Variants in SLC36A1 observed in about 807,000 individuals in gnomAD.
SLC36A1 encodes the protein solute carrier family 36 member 1.
SLC36A1 carries 30 observed loss-of-function variants against 47.5 expected under a neutral mutation model. The ratio of observed to expected loss-of-function variants is 0.63; its 90% confidence interval spans 0.47 to 0.86. The LOEUF is 0.86. Ranked by LOEUF, SLC36A1 falls within the 40% of genes least tolerant of loss-of-function variation. The pLI is 0.00. For synonymous variants in SLC36A1, 255 were observed against 249.7 expected (o/e 1.02, Z -0.20); for missense variants, 517 against 606.0 (o/e 0.85, Z 1.54).
chr5:151,441,013 G>C (rs6879238), intron 1 of SLC36A1, among the ~76,000 whole-genome samples: 66,846 of 151,996 alleles, frequency 0.44, 15,065 homozygotes, highest in African/African-American at 0.53. Flanking sequence ...AGATTGCTGT[G>C]CCCCCACAAC....
chr5:151,469,273 TA>T, intron 7 of SLC36A1: 1 of 700,812 alleles, frequency 1.4e-6, no homozygotes, highest in Non-Finnish European at 2.6e-6. Flanking sequence ...ACAGCCCATG[TA>T]AGTATATTGA....
chr5:151,351,548 A>G, the SLC36A1 span, among the ~76,000 whole-genome samples: 1 of 152,084 alleles, frequency 6.6e-6, no homozygotes, highest in Non-Finnish European at 1.5e-5. Flanking sequence ...CTTCTGGTGA[A>G]CGGGAATGGG....
the SLC36A1 span, among the ~76,000 whole-genome samples, chr5:151,395,086 T>A: frequency 6.6e-6 from 1 of 152,222 alleles, no homozygotes; most frequent in Non-Finnish European, 1.5e-5. Flanking sequence ...TTTGTTTACC[T>A]ACTCAAGCCT....
chr5:151,458,341 T>TATATATA (rs1561738201), intron 1 of SLC36A1, among the ~76,000 whole-genome samples: 4 of 108,492 alleles, frequency 3.7e-5, no homozygotes, highest in African/African-American at 1.3e-4. Flanking sequence ...TATGGGATAT[T>TATATATA]TATATATATA....
At chr5:151,463,361 G>T (rs1005440573) in intron 2 of SLC36A1, among the ~76,000 whole-genome samples, 192 bp from the exon 3 acceptor site, 7 of 152,236 alleles carry the variant, frequency 4.6e-5, no homozygotes, top group African/African-American at 1.7e-4. Context: ...TCTGGAGTCA[G>T]ACTGCCCAAA....
At chr5:151,509,535 G>A in the SLC36A1 span, 1 of 153,232 alleles carries the variant, frequency 6.5e-6, no homozygotes, top group Non-Finnish European at 1.5e-5. Context: ...ATTCTCACTG[G>A]AGCACAAACC....
chr5:151,430,922 G>C, the SLC36A1 span, among the ~76,000 whole-genome samples: 1 of 152,126 alleles, frequency 6.6e-6, no homozygotes, highest in Non-Finnish European at 1.5e-5. Context: ...AGAACACTGA[G>C]TTCACTCCCT....
At chr5:151,447,183 A>C (rs1457821269), upstream of SLC36A1, among the ~76,000 whole-genome samples, 1 of 152,238 alleles carries the variant, frequency 6.6e-6, no homozygotes, top group Non-Finnish European at 1.5e-5. Context: ...TTAAAAGATA[A>C]TGTTGCCCTA....
At chr5:151,417,256 A>T in the SLC36A1 span, among the ~76,000 whole-genome samples, 5 of 152,338 alleles carry the variant, frequency 3.3e-5, no homozygotes, top group South Asian at 1.0e-3. Flanking sequence ...TCAGAAGAAG[A>T]CAGGAAGATG....
intron 7 of SLC36A1, among the ~76,000 whole-genome samples, chr5:151,469,046 C>T (rs1403071268): frequency 6.6e-6 from 1 of 151,362 alleles, no homozygotes; most frequent in African/African-American, 2.4e-5. Context: ...TTTTCTAAGG[C>T]TTGAGAAAAG....
chr5:151,402,380 G>C, the SLC36A1 span, among the ~76,000 whole-genome samples: 1 of 152,144 alleles, frequency 6.6e-6, no homozygotes, highest in African/African-American at 2.4e-5. Flanking sequence ...GATGTGTGCT[G>C]TATTTGATTT....
the SLC36A1 span, among the ~76,000 whole-genome samples, chr5:151,520,260 T>C: frequency 1.3e-5 from 2 of 152,384 alleles, no homozygotes; most frequent in Admixed American, 6.5e-5. Context: ...CCAAGGCTCC[T>C]GAGCTGCTCC....
chr5:151,532,293 G>A, the SLC36A1 span, among the ~76,000 whole-genome samples: 1 of 152,158 alleles, frequency 6.6e-6, no homozygotes, highest in Non-Finnish European at 1.5e-5. Flanking sequence ...AGAGTTCCTT[G>A]ACTGAGATAG....
intron 1 of SLC36A1, among the ~76,000 whole-genome samples, chr5:151,438,908 AAATACTATTGATAT>A (rs1441826996): frequency 6.6e-6 from 1 of 152,166 alleles, no homozygotes; most frequent in Non-Finnish European, 1.5e-5. Context: ...TTTACCACAA[AAATACTATTGATAT>A]AATGTTTTAT....
At chr5:151,400,670 TTTTTGTTTTG>T in the SLC36A1 span, among the ~76,000 whole-genome samples, 4 of 152,152 alleles carry the variant, frequency 2.6e-5, no homozygotes, top group African/African-American at 4.8e-5. Flanking sequence ...CAATACCCGT[TTTTTGTTTTG>T]TTTTGTTTTG....
chr5:151,510,340 CAAG>C, the SLC36A1 span: 5 of 711,062 alleles, frequency 7.0e-6, no homozygotes, highest in Non-Finnish European at 1.1e-5. Flanking sequence ...CCTGCTGAAC[CAAG>C]AGCACTTTGG....
chr5:151,444,005 A>G (rs989419882), upstream of SLC36A1, among the ~76,000 whole-genome samples: 1 of 152,226 alleles, frequency 6.6e-6, no homozygotes, highest in South Asian at 2.1e-4. Context: ...TGGGCTGTCT[A>G]TTGTGTTCCA....
At chr5:151,411,676 G>A in the SLC36A1 span, among the ~76,000 whole-genome samples, 1 of 144,634 alleles carries the variant, frequency 6.9e-6, no homozygotes, top group African/African-American at 2.5e-5. Context: ...TCCTTTTAGG[G>A]CTTGACTGTT....
the SLC36A1 span, chr5:151,553,229 C>T: frequency 3.7e-6 from 6 of 1,614,244 alleles, no homozygotes; most frequent in Non-Finnish European, 5.1e-6. Flanking sequence ...TGATGACCCC[C>T]ACCATGTGGT....
Sources: allele counts gnomAD v4.1 joint callset (sites outside exome capture counted in the v4.1 genomes callset), GRCh38; gene constraint gnomAD v4.1.1; transcripts MANE v1.5; gene names NCBI Gene and HGNC (gene_info 2026-07-23, HGNC 2026-07-21).